Variants in NUBPL observed in about 807,000 individuals in gnomAD.
NUBPL encodes NUBP iron-sulfur cluster assembly factor, mitochondrial.
In NUBPL, 31 loss-of-function variants were observed where a neutral mutation model predicts 45.7. The ratio of observed to expected loss-of-function variants is 0.68; its 90% CI spans 0.51 to 0.92. NUBPL has a LOEUF of 0.92. NUBPL is among the 40% of genes least tolerant of loss of function. The probability of loss-of-function intolerance (pLI) is 0.00; values close to 1 mark genes in which losing one functional copy is unlikely to be tolerated. For missense variants in NUBPL, 401 were observed against 398.7 expected (o/e 1.01, Z -0.05); for synonymous variants, 144 against 140.9 (o/e 1.02, Z -0.15).
chr14:31,629,306 G>A (rs1258762509), intron 4 of NUBPL, among the ~76,000 whole-genome samples: 2 of 152,142 alleles, frequency 1.3e-5, no homozygotes, highest in Non-Finnish European at 2.9e-5. Context: ...GTGGAAGTGA[G>A]TGCTGTAAAA....
intron 3 of NUBPL, among the ~76,000 whole-genome samples, chr14:31,575,116 C>CT: frequency 6.6e-6 from 1 of 152,146 alleles, no homozygotes; most frequent in South Asian, 2.1e-4. Flanking sequence ...AGATGTACTG[C>CT]TTTTTTTCCC....
intron 8 of NUBPL, among the ~76,000 whole-genome samples, chr14:31,836,727 C>T (rs567276862): frequency 6.6e-6 from 1 of 152,284 alleles, no homozygotes; most frequent in South Asian, 2.1e-4. Flanking sequence ...TGTCCCCCAG[C>T]TAACCCCATG....
intron 3 of NUBPL, among the ~76,000 whole-genome samples, chr14:31,572,999 A>G (rs1403803152): frequency 3.3e-5 from 5 of 152,226 alleles, no homozygotes; most frequent in East Asian, 1.9e-4. Flanking sequence ...GGCACTTACC[A>G]TGATTAGAGC....
intron 3 of NUBPL, among the ~76,000 whole-genome samples, chr14:31,570,452 A>C (rs2033552714): frequency 6.6e-6 from 1 of 152,206 alleles, no homozygotes; most frequent in South Asian, 2.1e-4. Context: ...AATCTGCCCA[A>C]GATGAGTAGC....
At chr14:31,686,518 C>T (rs2139847362) in intron 6 of NUBPL, among the ~76,000 whole-genome samples, 1 of 152,278 alleles carries the variant, frequency 6.6e-6, no homozygotes, top group Non-Finnish European at 1.5e-5. Context: ...TGAGGAAAAT[C>T]AGGTCTCTAG....
At chr14:31,855,519 C>A (rs7144910) in intron 10 of NUBPL, among the ~76,000 whole-genome samples, 24,765 of 151,866 alleles carry the variant, frequency 0.16, 5,991 homozygotes, top group African/African-American at 0.53. Context: ...CCAAGTTAAG[C>A]TGATGATGCT....
intron 4 of NUBPL, among the ~76,000 whole-genome samples, chr14:31,613,824 T>C (rs1240729932): frequency 2.0e-5 from 3 of 152,172 alleles, no homozygotes; most frequent in African/African-American, 7.2e-5. Flanking sequence ...ATGTTGTGAT[T>C]ATTACACATT....
At chr14:31,565,185 A>T (rs2033404334) in intron 3 of NUBPL, 137 bp downstream of exon 3, 1 of 531,172 alleles carries the variant, frequency 1.9e-6, no homozygotes, top group African/African-American at 1.9e-5. Flanking sequence ...TAAGGAACTC[A>T]ATGCTGCCAT....
chr14:31,575,075 A>G (rs1040116487), intron 3 of NUBPL, among the ~76,000 whole-genome samples: 2 of 152,000 alleles, frequency 1.3e-5, no homozygotes, highest in Non-Finnish European at 2.9e-5. Flanking sequence ...TTTTCTCATG[A>G]TTACATAATG....
chr14:31,852,038 T>C (rs1354096328), intron 10 of NUBPL, among the ~76,000 whole-genome samples: 1 of 152,178 alleles, frequency 6.6e-6, no homozygotes, highest in Non-Finnish European at 1.5e-5. Context: ...TCGAAGGGGA[T>C]CTCTGCATGG....
At chr14:31,576,491 G>C (rs2033720410) in intron 3 of NUBPL, among the ~76,000 whole-genome samples, 1 of 152,086 alleles carries the variant, frequency 6.6e-6, no homozygotes, top group African/African-American at 2.4e-5. Flanking sequence ...AAACTCTTGG[G>C]CTTAAGTCGT....
At position 31,823,552 on chromosome 14, in the gene NUBPL, A is replaced by G. The variant is rs376306812; in HGVS notation, c.608-3077A>G. 8.6e-4 allele frequency among the ~76,000 whole-genome samples: 131 copies of G among 152,188 alleles called. 6 individuals carry two copies. In the South Asian group the frequency reaches 0.027, roughly 31 times the overall value. ...AATAGCTCTGAGATTGAGGGCTAAT[A>G]CCCCTTAAATAAGATTACTAGGGCA... is the stretch of plus-strand genomic sequence containing the variant. On this transcript the variant is annotated intron_variant, in intron 7 of 10. Transcript: ENST00000281081.
chr14:31,592,007 T>C (rs1248423686), intron 3 of NUBPL, among the ~76,000 whole-genome samples: 1 of 152,190 alleles, frequency 6.6e-6, no homozygotes, highest in Non-Finnish European at 1.5e-5. Flanking sequence ...GTGATACAAG[T>C]GAACCGAGAT....
At chr14:31,627,356 G>C (rs962008152) in intron 4 of NUBPL, among the ~76,000 whole-genome samples, 1 of 152,050 alleles carries the variant, frequency 6.6e-6, no homozygotes, top group Non-Finnish European at 1.5e-5. Flanking sequence ...AAATTAGAAA[G>C]TGAAAGTGTA....
intron 6 of NUBPL, among the ~76,000 whole-genome samples, chr14:31,707,387 T>A (rs1245181244): frequency 6.6e-6 from 1 of 152,254 alleles, no homozygotes; most frequent in Non-Finnish European, 1.5e-5. Context: ...TCTTTACTAC[T>A]TCCATCTCTC....
intron 6 of NUBPL, among the ~76,000 whole-genome samples, chr14:31,701,235 A>G (rs113946389): frequency 0.29 from 44,251 of 151,638 alleles, 7,370 homozygotes; most frequent in South Asian, 0.4. Context: ...TGCACCAGTC[A>G]GTGCTCTGTA....
chr14:31,760,832 CTTTA>C (rs145333442), intron 6 of NUBPL, among the ~76,000 whole-genome samples: 3 of 150,756 alleles, frequency 2.0e-5, no homozygotes, highest in Admixed American at 6.6e-5. Context: ...TTACATTTTA[CTTTA>C]TTTATTTATT....
chr14:31,678,732 C>T (rs576626104), intron 6 of NUBPL, among the ~76,000 whole-genome samples: 2 of 152,324 alleles, frequency 1.3e-5, no homozygotes, highest in African/African-American at 4.8e-5. Flanking sequence ...TGTGAAGCCA[C>T]GACCTGTGCA....
chr14:31,638,734 C>T (rs1328822053), intron 4 of NUBPL, among the ~76,000 whole-genome samples: 6 of 152,182 alleles, frequency 3.9e-5, no homozygotes, highest in Non-Finnish European at 8.8e-5. Flanking sequence ...ACCAATCAGA[C>T]GTAGATTTGG....
Sources: gnomAD v4.1 joint callset for allele counts (sites outside exome capture counted in the v4.1 genomes callset) on GRCh38, gnomAD v4.1.1 for gene constraint, MANE v1.5 for transcripts, NCBI Gene and HGNC (gene_info 2026-07-23, HGNC 2026-07-21) for gene names.